GRK1: variants seen among roughly 807,000 people sequenced by gnomAD.
GRK1 encodes the protein G protein-coupled receptor kinase 1, also known as rhodopsin kinase GRK1.
In GRK1, 28 loss-of-function variants were observed where a neutral mutation model predicts 41.7. The observed-to-expected ratio is 0.67, with a 90% CI of 0.50 to 0.92. The LOEUF is 0.92. Among genes scored for constraint, GRK1 ranks in the 40% least tolerant of loss-of-function variants. The pLI is 0.00. For missense variants in GRK1, 703 were observed against 671.2 expected, an observed-to-expected ratio of 1.05 and a Z score of -0.52; for synonymous variants, 327 against 286.7, an observed-to-expected ratio of 1.14 and a Z score of -1.42.
At chr13:113,654,978 A>G in the GRK1 span, 3 of 1,612,430 alleles carry the variant, frequency 1.9e-6, no homozygotes, top group Non-Finnish European at 2.5e-6. Flanking sequence ...TTACCACGTC[A>G]GCCATTTTAA....
chr13:113,668,138 G>A, intron 1 of GRK1, 53 bp downstream of exon 1: 1 of 1,540,080 alleles, frequency 6.5e-7, no homozygotes, highest in South Asian at 1.2e-5. Context: ...GCAGGGATGG[G>A]GCGGCAGGGT....
At chr13:113,660,645 G>A in the GRK1 span, among the ~76,000 whole-genome samples, 5 of 152,206 alleles carry the variant, frequency 3.3e-5, no homozygotes, top group Admixed American at 6.5e-5. Context: ...TGAGAGGATC[G>A]TTTTAGACCA....
intron 4 of GRK1, among the ~76,000 whole-genome samples, chr13:113,727,502 T>C (rs1425644033): frequency 2.6e-5 from 4 of 152,150 alleles, no homozygotes; most frequent in African/African-American, 9.7e-5. Context: ...GGCTGTGGCC[T>C]TGGACAAGTT....
At position 113,667,714 on chromosome 13, in the gene GRK1, A is replaced by T; in HGVS notation, c.328A>T (p.Ile110Phe). ...CCTCCAGCCACAGAAGGCCCAGACC[A>T]TCCTGGCCCAGTACCTGGACCCCCA... Reference protein sequence around the residue: ...NDLQPQKAQTILAQYLDPQAK... With the variant: ...NDLQPQKAQTFLAQYLDPQAK... Residue 110 changes from isoleucine (I) to phenylalanine (F), a missense_variant, in exon 1 of 7, where the codon ATC becomes TTC. Physicochemically the swap from Ile to Phe is conservative, Grantham distance 21 (BLOSUM62 0). Transcript: ENST00000335678. This position sits in a 1 kb window ranked among gnomAD's most constrained non-coding sequence, Gnocchi z 7.5. The T allele has an allele frequency of 6.2e-7, 1 of 1,613,870 alleles. No homozygotes were observed. The highest frequency in any genetic ancestry group is 2.2e-5 in the East Asian group (1 of 44,888).
rs779199924 is a variant in GRK1, at chr13:113,667,437, C to T, written c.51C>T (p.Ala17=). The part of the protein sequence containing the change: ...ETVVANSAFI[A]ARGSFDGSSS... ...TGGTGGCCAACTCTGCCTTCATCGC[C>T]GCCCGAGGCAGCTTTGACGGCAGCA... Residue 17 remains alanine, a synonymous_variant, in exon 1 of 7, where the codon GCC becomes GCT. Coordinates refer to ENST00000335678, the MANE Select transcript of GRK1 (RefSeq NM_002929.3). The surrounding 1 kb of genome is among the most constrained non-coding windows in gnomAD (Gnocchi z 7.5). 26 of 1,604,702 alleles carry T rather than the reference C, an allele frequency of 1.6e-5. No homozygotes were observed. Among genetic ancestry groups the T allele is most frequent in the East Asian group, 4.5e-5 (2 of 44,528 alleles).
chr13:113,649,506 C>T, the GRK1 span: 295 of 1,543,400 alleles, frequency 1.9e-4, 4 homozygotes, highest in Admixed American at 4.8e-3. This position sits in a 1 kb window ranked among gnomAD's most constrained non-coding sequence, Gnocchi z 4.7. Context: ...TGAGGAGCTT[C>T]GCTGCCACCA....
upstream of GRK1, among the ~76,000 whole-genome samples, chr13:113,665,687 C>T (rs1169603480): frequency 6.7e-6 from 1 of 148,864 alleles, no homozygotes; most frequent in African/African-American, 2.5e-5. Flanking sequence ...CTAGGTGTGC[C>T]TCAGCTGTCT....
upstream of GRK1, among the ~76,000 whole-genome samples, chr13:113,663,787 TG>T (rs2049802360): frequency 6.6e-6 from 1 of 152,218 alleles, no homozygotes; most frequent in Admixed American, 6.5e-5. Context: ...AACAAGACTG[TG>T]GCAGCGCTAA....
At chr13:113,655,077 C>T in the GRK1 span, 1 of 1,231,774 alleles carries the variant, frequency 8.1e-7, no homozygotes, top group Non-Finnish European at 1.1e-6. Context: ...TCCCCCAAAA[C>T]AGAAACCCCG....
In GRK1 at chr13:113,667,425, T is replaced by C. The variant is rs1428126174; in HGVS notation, c.39T>C (p.Ser13=). The C allele has an allele frequency of 6.2e-7, 1 of 1,602,050 alleles. No individual in the cohort carries two copies. Among genetic ancestry groups the C allele is most frequent in the Non-Finnish European group, 8.5e-7 (1 of 1,173,172 alleles). ...CTTTGGAGACCGTGGTGGCCAACTC[T>C]GCCTTCATCGCCGCCCGAGGCAGCT... ...FGSLETVVAN[S]AFIAARGSFD... The change falls in exon 1 of 7, where the codon TCT becomes TCC. Residue 13 remains serine, a synonymous_variant. Transcript: ENST00000335678. The surrounding 1 kb of genome is among the most constrained non-coding windows in gnomAD (Gnocchi z 7.5).
rs368074730 is a variant in GRK1, at chr13:113,731,607, C to A, written c.1194+264C>A. Among the ~76,000 whole-genome samples the A allele has an allele frequency of 6.6e-6, 1 of 152,298 alleles. No individual in the cohort carries two copies. ...CACCCTGTGCCCCAGAGCAAGCAGACCCTCCCACCAGACAGCACGCCACCA... is the reference window on the plus strand; with the variant it reads ...CACCCTGTGCCCCAGAGCAAGCAGAACCTCCCACCAGACAGCACGCCACCA... On this transcript the variant is annotated intron_variant, in intron 5 of 6. Coordinates refer to ENST00000335678, the MANE Select transcript of GRK1 (RefSeq NM_002929.3). The surrounding 1 kb of genome is among the most constrained non-coding windows in gnomAD (Gnocchi z 5.6).
At chr13:113,653,359 C>T in the GRK1 span, 3 of 1,614,200 alleles carry the variant, frequency 1.9e-6, no homozygotes, top group Non-Finnish European at 2.5e-6. Context: ...GAGGTCTGCC[C>T]AGGTTCTGTT....
the GRK1 span, chr13:113,657,935 CA>C: frequency 9.9e-7 from 1 of 1,005,542 alleles, no homozygotes; most frequent in Non-Finnish European, 1.5e-6. Context: ...GTCTCACTGT[CA>C]GGGGCCCTCT....
At chr13:113,662,822 T>C (rs1389349331), upstream of GRK1, among the ~76,000 whole-genome samples, 1 of 152,214 alleles carries the variant, frequency 6.6e-6, no homozygotes, top group African/African-American at 2.4e-5. Context: ...ACACACACTA[T>C]GTTTGTAGTG....
Position 113,731,091 on chromosome 13 carries a change from C to T in GRK1, c.1070-128C>T, listed in dbSNP as rs2049933292. 1.5e-6 allele frequency: 2 copies of T among 1,345,352 alleles called. No individual in the cohort carries two copies. The highest frequency in any genetic ancestry group is 2.0e-6 in the Non-Finnish European group (2 of 1,009,934). 83.3% of individuals were successfully genotyped at this position (1,345,352 alleles called of 1,614,324 possible). A position where few individuals can be genotyped will look rare whatever the true frequency, so the allele number is the denominator to read the frequency against. On this transcript the variant is annotated intron_variant, in intron 4 of 6. Transcript: ENST00000335678. The surrounding 1 kb of genome is among the most constrained non-coding windows in gnomAD (Gnocchi z 5.6). ...AGCCCCTCCACAAAGGATTTTCTGGCCCCAAATGTGGAGAGTGCTGAGGCC... is the reference window on the plus strand; with the variant it reads ...AGCCCCTCCACAAAGGATTTTCTGGTCCCAAATGTGGAGAGTGCTGAGGCC...
In GRK1 at chr13:113,671,675, T is replaced by C. The variant is rs547283472; in HGVS notation, c.985+19T>C. The C allele has an allele frequency of 2.2e-5, 16 of 735,960 alleles. No individual in the cohort carries two copies. Among genetic ancestry groups the C allele is most frequent in the Non-Finnish European group, 4.0e-5 (16 of 403,808 alleles). The allele number at this position is 735,960 out of a possible 1,614,324, so 45.6% of individuals were successfully genotyped here. A position where few individuals can be genotyped will look rare whatever the true frequency, so the allele number is the denominator to read the frequency against. The stretch of plus-strand genomic sequence containing the variant: ...AATGACGGTAGGAGGTGCCCTCGGC[T>C]GGGAGGGATGAGGGCTACGAGGAGG... On this transcript the variant is annotated intron_variant, in intron 3 of 6. Transcript: ENST00000335678. The surrounding 1 kb of genome is among the most constrained non-coding windows in gnomAD (Gnocchi z 4.1).
At chr13:113,653,586 C>T in the GRK1 span, 1 of 639,904 alleles carries the variant, frequency 1.6e-6, no homozygotes, top group Non-Finnish European at 2.7e-6. Context: ...GGAAGGACCC[C>T]CAGGACAGCA....
In GRK1 at chr13:113,671,610, C is replaced by T. The variant is rs370954768; in HGVS notation, c.939C>T (p.Ile313=). 277 of 771,952 alleles carry T rather than the reference C, an allele frequency of 3.6e-4. No individual in the cohort carries two copies. The African/African-American group carries it at 3.9e-3, about 11-fold the overall frequency. The allele number at this position is 771,952 out of a possible 1,614,324, so 47.8% of individuals were successfully genotyped here. Residue 313 remains isoleucine, a synonymous_variant, in exon 3 of 7, where the codon ATC becomes ATT. Coordinates refer to ENST00000335678, the MANE Select transcript of GRK1 (RefSeq NM_002929.3). This position sits in a 1 kb window ranked among gnomAD's most constrained non-coding sequence, Gnocchi z 4.1. ...TGGAGCACCTGCACCAGAGGCGGAT[C>T]GTCTACCGCGACCTCAAGCCCGAGA... ...CGLEHLHQRR[I]VYRDLKPENV...
rs928947528 is a variant in GRK1 at position 113,736,368 on chromosome 13, T to A, written c.*1005T>A. 1 of 152,308 alleles carries A rather than the reference T, an allele frequency of 6.6e-6. No homozygotes were observed. Among genetic ancestry groups the A allele is most frequent in the African/African-American group, 2.4e-5 (1 of 41,462 alleles). The allele number at this position is 152,308 out of a possible 1,614,324, so 9.4% of individuals were successfully genotyped here. On this transcript the variant is annotated 3_prime_UTR_variant, in exon 7 of 7. Coordinates refer to ENST00000335678, the MANE Select transcript of GRK1 (RefSeq NM_002929.3). ...TCTGTGTTCCCAGTAGCAGCAGCAC[T>A]GGAGTCCTAAAGCCATAGCCCGGGA...
Sources: allele counts gnomAD v4.1 joint callset (sites outside exome capture counted in the v4.1 genomes callset), GRCh38; gene constraint gnomAD v4.1.1; non-coding constraint Gnocchi (gnomAD v3.1); transcripts MANE v1.5; gene names NCBI Gene and HGNC (gene_info 2026-07-23, HGNC 2026-07-21).